Variants in CNOT11 observed in about 807,000 individuals in gnomAD.
The protein encoded by CNOT11 is CCR4-NOT transcription complex subunit 11.
In CNOT11, 18 loss-of-function variants were observed where a neutral mutation model predicts 44.6. That is an observed-to-expected ratio of 0.40 (90% CI 0.28 to 0.60). CNOT11 has a LOEUF of 0.60. Among genes scored for constraint, CNOT11 ranks in the 20% least tolerant of loss-of-function variants. CNOT11 has a pLI of 0.38. For synonymous variants in CNOT11, 291 were observed against 270.9 expected (o/e 1.07, Z -0.73); for missense variants, 513 against 677.0 (o/e 0.76, Z 2.69).
At chr2:101,261,478 T>C (rs1250366831) in intron 2 of CNOT11, among the ~76,000 whole-genome samples, 3 of 152,222 alleles carry the variant, frequency 2.0e-5, no homozygotes, top group Admixed American at 2.0e-4. Context: ...ATGGACATAA[T>C]ACTGCTGTGA....
At chr2:101,261,473 C>CG (rs1681860458) in intron 2 of CNOT11, among the ~76,000 whole-genome samples, 1 of 152,158 alleles carries the variant, frequency 6.6e-6, no homozygotes, top group Non-Finnish European at 1.5e-5. Flanking sequence ...TGTTGATGGA[C>CG]ATAATACTGC....
Position 101,253,038 on chromosome 2 carries a change from C to G in CNOT11, c.74C>G (p.Ala25Gly), listed in dbSNP as rs762145829. Residue 25 changes from alanine to glycine, a missense_variant, in exon 1 of 7, where the codon GCG becomes GGG. Transcript: ENST00000289382. The surrounding 1 kb of genome is among the most constrained non-coding windows in gnomAD (Gnocchi z 4.3). ...TAAEQRGSRE[A>G]AGSASRSGFG... ...GCGGAGCAAAGAGGGTCCCGGGAAG[C>G]GGCAGGGTCGGCGTCCAGGAGCGGC... is the stretch of plus-strand genomic sequence containing the variant. The G allele has an allele frequency of 6.4e-5, 97 of 1,514,766 alleles. No individual in the cohort carries two copies. Among genetic ancestry groups the G allele is most frequent in the Non-Finnish European group, 6.2e-6 (7 of 1,137,576 alleles). The allele number at this position is 1,514,766 out of a possible 1,614,324, so 93.8% of individuals were successfully genotyped here.
intron 2 of CNOT11, among the ~76,000 whole-genome samples, chr2:101,258,156 G>A (rs1253332140): frequency 6.6e-6 from 1 of 152,098 alleles, no homozygotes; most frequent in Admixed American, 6.6e-5. Context: ...CACTTTGGGA[G>A]GCTGAGGTGG....
In CNOT11 at chr2:101,269,227, GC is replaced by G. The variant is rs1423393447; in HGVS notation, c.1348del (p.Arg450ValfsTer10). On this transcript the variant is annotated frameshift_variant, in exon 7 of 7. Transcript: ENST00000289382. LOFTEE classifies it high-confidence loss of function. This position sits in a 1 kb window ranked among gnomAD's most constrained non-coding sequence, Gnocchi z 4.8. ...TTTTCCTTTTTCAGAATCGGTTGGT[GC>G]GTCTTGTGTGTGTGTTTCTCCAATC... ...KDKYMQNRLV[R>X]LVCVFLQSLI... 6.2e-7 allele frequency: 1 copy of G among 1,612,144 alleles called. No individual in the cohort carries two copies. The highest frequency in any genetic ancestry group is 1.1e-5 in the South Asian group (1 of 90,688).
chr2:101,260,495 AGATGTCCG>A (rs1681831707), intron 2 of CNOT11, among the ~76,000 whole-genome samples: 1 of 152,166 alleles, frequency 6.6e-6, no homozygotes, highest in Non-Finnish European at 1.5e-5. Context: ...CCCAGATTGC[AGATGTCCG>A]GATCCATTCC....
At position 101,264,935 on chromosome 2, in the gene CNOT11, A is replaced by C; in HGVS notation, c.923A>C (p.His308Pro). The C allele has an allele frequency of 6.2e-7, 1 of 1,614,112 alleles. No individual in the cohort carries two copies. Among genetic ancestry groups the C allele is most frequent in the Non-Finnish European group, 8.5e-7 (1 of 1,179,982 alleles). ...LAWLNPTEPD[H>P]AIQWDKSMCV... ...TGGCTAAACCCCACGGAGCCTGACC[A>C]CGCGATCCAGTGGGATAAATCGATG... Residue 308 changes from histidine (H) to proline (P), a missense_variant, in exon 4 of 7, where the codon CAC (histidine) becomes CCC (proline). By Grantham distance (77) the His-to-Pro change is moderately conservative (BLOSUM62 -2). This residue lies in a region of CNOT11 where 140 missense variants were observed against 169.8 expected (regional missense o/e 0.82). Coordinates refer to ENST00000289382, the MANE Select transcript of CNOT11 (RefSeq NM_017546.5).
At chr2:101,258,334 G>A (rs981142732) in intron 2 of CNOT11, among the ~76,000 whole-genome samples, 1 of 151,886 alleles carries the variant, frequency 6.6e-6, no homozygotes, top group African/African-American at 2.4e-5. Flanking sequence ...GGAGGTGGAG[G>A]TTGCAGTGAG....
intron 5 of CNOT11, among the ~76,000 whole-genome samples, chr2:101,268,089 T>C (rs549603447): frequency 6.6e-6 from 1 of 152,342 alleles, no homozygotes; most frequent in African/African-American, 2.4e-5. Flanking sequence ...TGCGTTCTTT[T>C]AGCGGTAGCA....
intron 1 of CNOT11, among the ~76,000 whole-genome samples, chr2:101,256,893 CA>C (rs956709737): frequency 3.1e-4 from 47 of 151,528 alleles, no homozygotes; most frequent in African/African-American, 1.1e-3. Context: ...CTAAAAAGTA[CA>C]AAAAATTACC....
rs1218075819 is a variant in CNOT11, at chr2:101,262,541, C to T, written c.682C>T (p.Arg228Cys). 4 of 1,613,690 alleles carry T rather than the reference C, an allele frequency of 2.5e-6. No homozygotes were observed. Among genetic ancestry groups the T allele is most frequent in the East Asian group, 2.2e-5 (1 of 44,862 alleles). Residue 228 changes from arginine to cysteine, a missense_variant and splice_region_variant, in exon 3 of 7, where the codon CGC becomes TGC. Transcript: ENST00000289382. ...TTTAAAATGTCTCCTATTTCCAGAA[C>T]GCCAATCTGAATTGCCAACGCAAAG... ...ISGLQLALAERQSELPTQSKA... is the reference protein window; with the variant it reads ...ISGLQLALAECQSELPTQSKA...
intron 1 of CNOT11, among the ~76,000 whole-genome samples, chr2:101,254,129 T>G (rs1470452946): frequency 6.6e-6 from 1 of 152,168 alleles, no homozygotes; most frequent in Non-Finnish European, 1.5e-5. Context: ...GCTGCATTTT[T>G]TTTTGTTTTT....
intron 2 of CNOT11, among the ~76,000 whole-genome samples, chr2:101,261,971 C>T (rs773106053): frequency 2.0e-5 from 3 of 151,344 alleles, no homozygotes; most frequent in Admixed American, 6.6e-5. Flanking sequence ...CTCAGCCTCT[C>T]GAGTAGCTGG....
intron 4 of CNOT11, 89 bp downstream of exon 4, chr2:101,265,136 G>A (rs541119292): frequency 3.4e-6 from 3 of 885,484 alleles, no homozygotes; most frequent in Middle Eastern, 3.7e-4. Context: ...AGTCTCACTC[G>A]GCTGCCCAGG....
In CNOT11 at chr2:101,258,395, CAATAAATAAATA is replaced by C. The variant is rs58613763; in HGVS notation, c.679+472_679+483del. Among the ~76,000 whole-genome samples the C allele has an allele frequency of 4.9e-3, 713 of 144,708 alleles. 5 individuals are homozygous for C. The highest frequency in any genetic ancestry group is 0.036 in the East Asian group (177 of 4,958). The allele number at this position is 144,708 out of a possible 152,430, so 94.9% of individuals were successfully genotyped here. ...CCTGGGCTACAGTGAGACTCCATCT[CAATAAATAAATA>C]AATAAATAAATAAATAAATAAATAA... On this transcript the variant is annotated intron_variant, in intron 2 of 6. Coordinates refer to ENST00000289382, the MANE Select transcript of CNOT11 (RefSeq NM_017546.5).
Position 101,258,945 on chromosome 2 carries a change from G to C in CNOT11, c.679+990G>C, listed in dbSNP as rs557843828. Among the ~76,000 whole-genome samples the C allele has an allele frequency of 2.0e-5, 3 of 152,258 alleles. No individual in the cohort carries two copies. The East Asian group carries it at 5.8e-4, about 29-fold the overall frequency. Reference sequence around the variant, plus strand: ...GGGCAGGAGTTCAAGACTAGCCTGGGCAACATAAGGAAACTTTGTCTCTGC... The same window carrying C: ...GGGCAGGAGTTCAAGACTAGCCTGGCCAACATAAGGAAACTTTGTCTCTGC... On this transcript the variant is annotated intron_variant, in intron 2 of 6. Transcript: ENST00000289382.
intron 4 of CNOT11, 150 bp from the exon 5 acceptor site, chr2:101,266,526 GT>G (rs1488106171): frequency 1.6e-6 from 1 of 631,436 alleles, no homozygotes; most frequent in African/African-American, 1.8e-5. Flanking sequence ...GACATCATGG[GT>G]TTGAAGGAAG....
Position 101,269,555 on chromosome 2 carries a change from T to C in CNOT11, c.*142T>C, listed in dbSNP as rs1682064435. On this transcript the variant is annotated 3_prime_UTR_variant, in exon 7 of 7. Coordinates refer to ENST00000289382, the MANE Select transcript of CNOT11 (RefSeq NM_017546.5). The surrounding 1 kb of genome is among the most constrained non-coding windows in gnomAD (Gnocchi z 4.8). Reference sequence around the variant, plus strand: ...TACTTAAAGCAAAGTTTTGCTTTCTTGAATGACTTTTTCTGTGAGATGAAT... The same window carrying C: ...TACTTAAAGCAAAGTTTTGCTTTCTCGAATGACTTTTTCTGTGAGATGAAT... 3 of 611,616 alleles carry C rather than the reference T, an allele frequency of 4.9e-6. No individual in the cohort carries two copies. The allele number at this position is 611,616 out of a possible 1,614,324, so 37.9% of individuals were successfully genotyped here.
In CNOT11 at chr2:101,252,888, G is replaced by T. The variant is rs1293454885; in HGVS notation, c.-77G>T. 2 of 1,324,234 alleles carry T rather than the reference G, an allele frequency of 1.5e-6. No homozygotes were observed. Among genetic ancestry groups the T allele is most frequent in the East Asian group, 6.2e-5 (2 of 32,402 alleles). The allele number at this position is 1,324,234 out of a possible 1,614,324, so 82.0% of individuals were successfully genotyped here. On this transcript the variant is annotated 5_prime_UTR_variant, in exon 1 of 7. Transcript: ENST00000289382. ...TTGCGACGCTGTCGTGTAACAGCGCGCTTTACGGCCGCGGGGACGGAGCGA... is the reference window on the plus strand; with the variant it reads ...TTGCGACGCTGTCGTGTAACAGCGCTCTTTACGGCCGCGGGGACGGAGCGA...
intron 1 of CNOT11, among the ~76,000 whole-genome samples, chr2:101,257,178 A>C (rs576131911): frequency 6.6e-6 from 1 of 152,192 alleles, no homozygotes; most frequent in South Asian, 2.1e-4. Flanking sequence ...GGATCACCTG[A>C]GGTCAGGAGT....
Sources: allele counts gnomAD v4.1 joint callset (sites outside exome capture counted in the v4.1 genomes callset), GRCh38; gene constraint gnomAD v4.1.1; regional missense constraint gnomAD v4.1.1; non-coding constraint Gnocchi (gnomAD v3.1); transcripts MANE v1.5; gene names NCBI Gene and HGNC (gene_info 2026-07-23, HGNC 2026-07-21).